The following HIP1 variants were observed in gnomAD, a reference collection of about 807,000 sequenced individuals.
HIP1 encodes the protein huntingtin-interacting protein 1.
In HIP1, 65 loss-of-function variants were observed where a neutral mutation model predicts 147.6. That is an observed-to-expected ratio of 0.44 (90% CI 0.36 to 0.54). HIP1 has a LOEUF of 0.54. HIP1 is among the 20% of genes least tolerant of loss of function. The probability of loss-of-function intolerance (pLI) is 0.00; values close to 1 mark genes in which losing one functional copy is unlikely to be tolerated. For missense variants in HIP1, 1,061 were observed against 1,299.6 expected (o/e 0.82, Z 2.82); for synonymous variants, 479 against 504.0 (o/e 0.95, Z 0.67).
At chr7:75,685,883 C>T (rs1800245580) in intron 1 of HIP1, among the ~76,000 whole-genome samples, 1 of 150,900 alleles carries the variant, frequency 6.6e-6, no homozygotes, top group South Asian at 2.1e-4. Context: ...GCTTATTCTG[C>T]CTGTGGCCTT....
chr7:75,539,236 T>G, intron 30 of HIP1, 87 bp downstream of exon 30: 1 of 907,344 alleles, frequency 1.1e-6, no homozygotes, highest in Non-Finnish European at 1.8e-6. Context: ...GTGGGTTCCT[T>G]GTTCTGTTCC....
At chr7:75,580,717 C>T (rs1045209792) in intron 7 of HIP1, among the ~76,000 whole-genome samples, 11 of 151,906 alleles carry the variant, frequency 7.2e-5, no homozygotes, top group Admixed American at 3.9e-4. Context: ...CCAGCCTGGG[C>T]GACAGAGTGA....
intron 1 of HIP1, among the ~76,000 whole-genome samples, chr7:75,666,091 G>A (rs1447938039): frequency 6.6e-6 from 1 of 152,068 alleles, no homozygotes; most frequent in Non-Finnish European, 1.5e-5. Context: ...ACCAGAGGCT[G>A]GGGGATGTGG....
At chr7:75,735,699 T>TC (rs78896809) in intron 1 of HIP1, among the ~76,000 whole-genome samples, 1 of 151,062 alleles carries the variant, frequency 6.6e-6, no homozygotes, top group African/African-American at 2.4e-5. Flanking sequence ...TTTTTCTTTT[T>TC]TTTTTATTTG....
intron 14 of HIP1, among the ~76,000 whole-genome samples, chr7:75,559,169 T>C (rs1674914486): frequency 6.6e-6 from 1 of 152,184 alleles, no homozygotes; most frequent in African/African-American, 2.4e-5. Flanking sequence ...GAGGCCGGAG[T>C]GCAGTGGTGC....
At chr7:75,577,919 G>A (rs1795902385) in intron 7 of HIP1, among the ~76,000 whole-genome samples, 1 of 152,144 alleles carries the variant, frequency 6.6e-6, no homozygotes, top group Admixed American at 6.6e-5. Context: ...AGAATTGCTT[G>A]AGCCTGGGAG....
At chr7:75,557,349 AAC>A (rs869181349) in intron 16 of HIP1, among the ~76,000 whole-genome samples, 2 of 150,704 alleles carry the variant, frequency 1.3e-5, no homozygotes, top group African/African-American at 5.0e-5. Context: ...AAAACAAACA[AAC>A]AAAAAAAAAC....
intron 1 of HIP1, among the ~76,000 whole-genome samples, chr7:75,671,528 T>C (rs549717292): frequency 6.6e-6 from 1 of 152,294 alleles, no homozygotes; most frequent in African/African-American, 2.4e-5. Flanking sequence ...TGAACGTGGA[T>C]GTACAAATAT....
In HIP1 at chr7:75,549,690, G is replaced by A. The variant is rs1794708900; in HGVS notation, c.2296-689C>T. Among the ~76,000 whole-genome samples the A allele has an allele frequency of 5.3e-5, 8 of 151,236 alleles. No homozygotes were observed. The South Asian group carries it at 1.7e-3, about 32-fold the overall frequency. On this transcript the variant is annotated intron_variant, in intron 22 of 30. Transcript: ENST00000336926. Reference sequence around the variant, plus strand: ...TGGCCCTAATTTTTTATTTTTTTGAGACACAGTCTTGCCCTGTCACCAGAG... The same window carrying A: ...TGGCCCTAATTTTTTATTTTTTTGAAACACAGTCTTGCCCTGTCACCAGAG...
At chr7:75,582,940 T>TACAACCTCTGACCTC (rs1796113304) in intron 5 of HIP1, among the ~76,000 whole-genome samples, 1 of 152,156 alleles carries the variant, frequency 6.6e-6, no homozygotes, top group Admixed American at 6.6e-5. Context: ...ACGCTGAGAT[T>TACAACCTCTGACCTC]ACAACCTCTG....
chr7:75,554,383 T>G, intron 20 of HIP1, 57 bp downstream of exon 20: 1 of 1,472,694 alleles, frequency 6.8e-7, no homozygotes, highest in Non-Finnish European at 9.5e-7. Context: ...ATTCAGGTGC[T>G]TCTGAACCCT....
intron 2 of HIP1, among the ~76,000 whole-genome samples, chr7:75,595,287 T>TTCCTTCCTTCCTTC (rs1563230646): frequency 6.8e-5 from 7 of 103,226 alleles, no homozygotes; most frequent in Admixed American, 9.7e-5. Context: ...TTCCTTCCTT[T>TTCCTTCCTTCCTTC]CTTTCTTTCT....
intron 2 of HIP1, among the ~76,000 whole-genome samples, chr7:75,593,722 C>A (rs1240377097): frequency 6.6e-6 from 1 of 151,740 alleles, no homozygotes; most frequent in Non-Finnish European, 1.5e-5. Context: ...GACCCCTTGG[C>A]TCCTCCTCCA....
intron 1 of HIP1, among the ~76,000 whole-genome samples, chr7:75,652,983 C>CATG (rs1799042463): frequency 1.3e-5 from 2 of 152,146 alleles, no homozygotes; most frequent in African/African-American, 4.8e-5. Context: ...CTGAGTGTGA[C>CATG]AGTTAATTCC....
chr7:75,618,341 G>A (rs1444017691), intron 1 of HIP1, among the ~76,000 whole-genome samples: 1 of 152,138 alleles, frequency 6.6e-6, no homozygotes, highest in African/African-American at 2.4e-5. Flanking sequence ...AGTAGAAACA[G>A]GGTTTCACCA....
At chr7:75,587,790 C>A (rs908635716) in intron 4 of HIP1, among the ~76,000 whole-genome samples, 2 of 152,020 alleles carry the variant, frequency 1.3e-5, no homozygotes, top group African/African-American at 4.8e-5. Context: ...ATGGCGAAAC[C>A]CCATCTCTAC....
intron 1 of HIP1, among the ~76,000 whole-genome samples, chr7:75,639,608 T>C (rs1263855762): frequency 2.7e-5 from 4 of 146,872 alleles, no homozygotes; most frequent in Non-Finnish European, 1.5e-5. Context: ...CGCGTGTGTG[T>C]GCAGGCGTGC....
chr7:75,599,400 G>A (rs1447880561), intron 1 of HIP1, among the ~76,000 whole-genome samples, 153 bp from the exon 2 acceptor site: 1 of 152,114 alleles, frequency 6.6e-6, no homozygotes, highest in African/African-American at 2.4e-5. Flanking sequence ...CGCCCAGCTG[G>A]GGGCAGAGGT....
chr7:75,688,112 G>GTC (rs1800326240), intron 1 of HIP1, among the ~76,000 whole-genome samples: 1 of 152,124 alleles, frequency 6.6e-6, no homozygotes, highest in Non-Finnish European at 1.5e-5. Context: ...TTAGTTAGGA[G>GTC]TCTCTCTCCT....
Sources: gnomAD v4.1 joint callset for allele counts (sites outside exome capture counted in the v4.1 genomes callset) on GRCh38, gnomAD v4.1.1 for gene constraint, MANE v1.5 for transcripts, NCBI Gene and HGNC (gene_info 2026-07-23, HGNC 2026-07-21) for gene names.